Variants in HMCN2 observed in about 807,000 individuals in gnomAD.
HMCN2 encodes the protein hemicentin-2.
HMCN2 carries 325 observed loss-of-function variants against 377.5 expected under a neutral mutation model. That is an observed-to-expected ratio of 0.86 (90% CI 0.79 to 0.94). The LOEUF is 0.94. HMCN2 is among the 40% of genes least tolerant of loss of function. The probability of loss-of-function intolerance (pLI) is 0.00; values close to 1 mark genes in which losing one functional copy is unlikely to be tolerated. For synonymous variants in HMCN2, 2,007 were observed against 2,046.8 expected (o/e 0.98, Z 0.53); for missense variants, 4,543 against 4,725.3 (o/e 0.96, Z 1.13).
chr9:130,334,691 C>T (rs1427789686), intron 22 of HMCN2, among the ~76,000 whole-genome samples: 6 of 144,990 alleles, frequency 4.1e-5, no homozygotes, highest in Middle Eastern at 3.2e-3. Flanking sequence ...CTTTCTTTCT[C>T]TCTTTCTTTC....
chr9:130,396,313 G>C lies in HMCN2; in HGVS notation c.11198G>C (p.Arg3733Thr). Residue 3733 changes from arginine (R) to threonine (T), a missense_variant and splice_region_variant, in exon 73 of 98, where the codon AGG becomes ACG. Around this residue, in one of 5 missense-constraint regions of HMCN2, gnomAD observed 1,073 missense variants for 1,319.5 expected, o/e 0.81. Transcript: ENST00000683500. ...GTCCCCCTGGATCCCAGGAGCCCCA[G>C]GTGGGAGAGGGAAGGGGTGGGCCTC... ...DRVPLDPRSP[R>T]FEILPEGSLR... 2 of 1,267,072 alleles carry C rather than the reference G, an allele frequency of 1.6e-6. No homozygotes were observed. The highest frequency in any genetic ancestry group is 2.1e-6 in the Non-Finnish European group (2 of 970,338). 78.5% of individuals were successfully genotyped at this position (1,267,072 alleles called of 1,614,324 possible).
At position 130,356,069 on chromosome 9, in the gene HMCN2, C is replaced by T. The variant is rs766779267; in HGVS notation, c.5256-19C>T. 2 of 1,251,058 alleles carry T rather than the reference C, an allele frequency of 1.6e-6. No individual in the cohort carries two copies. The highest frequency in any genetic ancestry group is 2.7e-5 in the South Asian group (2 of 74,324). 77.5% of individuals were successfully genotyped at this position (1,251,058 alleles called of 1,614,324 possible). A position where few individuals can be genotyped will look rare whatever the true frequency, so the allele number is the denominator to read the frequency against. ...TCCCTGGTCTCAGGTTGACACGCCC[C>T]CCTCCCTACTCACCTTAGGTGGCTG... On this transcript the variant is annotated intron_variant, in intron 33 of 97. Coordinates refer to ENST00000683500, the MANE Select transcript of HMCN2 (RefSeq NM_001291815.2).
intron 4 of HMCN2, among the ~76,000 whole-genome samples, chr9:130,291,195 TG>T (rs1354780533): frequency 6.6e-6 from 1 of 152,196 alleles, no homozygotes; most frequent in African/African-American, 2.4e-5. Context: ...ACAGCATACT[TG>T]CATACTTGAT....
chr9:130,360,737 C>A lies in HMCN2; in HGVS notation c.5950+133C>A. 2.6e-6 allele frequency: 1 copy of A among 387,420 alleles called. No homozygotes were observed. The highest frequency in any genetic ancestry group is 4.6e-6 in the Non-Finnish European group (1 of 217,100). 24.0% of individuals were successfully genotyped at this position (387,420 alleles called of 1,614,324 possible). A position where few individuals can be genotyped will look rare whatever the true frequency, so the allele number is the denominator to read the frequency against. ...CCCATCCATCCGTTACCCCATCCAT[C>A]CATCATCCATCCAACCATCCATCCA... On this transcript the variant is annotated intron_variant, in intron 38 of 97. Transcript: ENST00000683500. This position sits in a 1 kb window ranked among gnomAD's most constrained non-coding sequence, Gnocchi z 4.7.
At position 130,393,135 on chromosome 9, in the gene HMCN2, T is replaced by G. The variant is rs1454908177; in HGVS notation, c.10137-77T>G. On this transcript the variant is annotated intron_variant, in intron 66 of 97. Transcript: ENST00000683500. The surrounding 1 kb of genome is among the most constrained non-coding windows in gnomAD (Gnocchi z 5.2). ...GTCTTTCCACGCAGCCAGCCTCTCC[T>G]GTCTCTCTCCCTTTCTCTTCCTCTC... is the stretch of plus-strand genomic sequence containing the variant. 1 of 908,142 alleles carries G rather than the reference T, an allele frequency of 1.1e-6. No individual in the cohort carries two copies. Among genetic ancestry groups the G allele is most frequent in the African/African-American group, 1.8e-5 (1 of 55,800 alleles). 56.3% of individuals were successfully genotyped at this position (908,142 alleles called of 1,614,324 possible).
chr9:130,396,380 C>G, intron 73 of HMCN2, 67 bp downstream of exon 73: 2 of 1,198,338 alleles, frequency 1.7e-6, no homozygotes. Context: ...GCAAATCAAA[C>G]TCACTTGGGC....
chr9:130,265,852 G>A lies in HMCN2; in HGVS notation c.-27G>A. ...AGCTCCGACCTGCGCCTCCACCGCAGCACCCGCAGCCAGAGCCGCGCTCGG... is the reference window on the plus strand; with the variant it reads ...AGCTCCGACCTGCGCCTCCACCGCAACACCCGCAGCCAGAGCCGCGCTCGG... On this transcript the variant is annotated 5_prime_UTR_variant, in exon 1 of 98. Transcript: ENST00000683500. 1 of 328,890 alleles carries A rather than the reference G, an allele frequency of 3.0e-6. No homozygotes were observed. Among genetic ancestry groups the A allele is most frequent in the Non-Finnish European group, 5.8e-6 (1 of 170,976 alleles). The allele number at this position is 328,890 out of a possible 1,614,324, so 20.4% of individuals were successfully genotyped here. A position where few individuals can be genotyped will look rare whatever the true frequency, so the allele number is the denominator to read the frequency against.
At position 130,345,564 on chromosome 9, in the gene HMCN2, ATGTT is replaced by A. The variant is rs1175703327; in HGVS notation, c.3830-1598_3830-1595del. ...GTGGTGTGTGTAGTGCTTGGTGTGTATGTTTGTGTGTGGTATGTGTGTATGGTGT... is the reference window on the plus strand; with the variant it reads ...GTGGTGTGTGTAGTGCTTGGTGTGTATGTGTGTGGTATGTGTGTATGGTGT... On this transcript the variant is annotated intron_variant, in intron 25 of 97. Coordinates refer to ENST00000683500, the MANE Select transcript of HMCN2 (RefSeq NM_001291815.2). 7.1e-3 allele frequency among the ~76,000 whole-genome samples: 855 copies of A among 119,720 alleles called. 6 individuals are homozygous for A. Among genetic ancestry groups the A allele is most frequent in the African/African-American group, 0.027 (818 of 30,532 alleles). The allele number at this position is 119,720 out of a possible 152,430, so 78.5% of individuals were successfully genotyped here.
chr9:130,427,315 G>A lies in HMCN2; in HGVS notation c.13882G>A (p.Glu4628Lys). 6.4e-7 allele frequency: 1 copy of A among 1,550,554 alleles called. No homozygotes were observed. The highest frequency in any genetic ancestry group is 8.7e-7 in the Non-Finnish European group (1 of 1,146,996). The change falls in exon 91 of 98, where the codon GAG becomes AAG. Residue 4628 changes from glutamate (E) to lysine (K), a missense_variant and splice_region_variant. Transcript: ENST00000683500. ...AGTCTATCCTCTTTGCTTTGCAGAG[G>A]AGAACGAGGTCGGCTGCCCCGAGGG... is the stretch of plus-strand genomic sequence containing the variant. ...FQLATALQAE[E>K]NEVGCPEGFE...
intron 25 of HMCN2, among the ~76,000 whole-genome samples, chr9:130,346,782 C>T (rs926152377): frequency 1.4e-3 from 213 of 152,096 alleles, no homozygotes; most frequent in Middle Eastern, 0.01. Flanking sequence ...AGCATAGACG[C>T]GTCCTCTGAT....
intron 22 of HMCN2, among the ~76,000 whole-genome samples, chr9:130,332,581 C>T: frequency 6.6e-6 from 1 of 152,344 alleles, no homozygotes; most frequent in East Asian, 1.9e-4. Flanking sequence ...CTTACGCTCT[C>T]CGGGCTCGTG....
chr9:130,368,231 C>T, intron 43 of HMCN2, 45 bp from the exon 44 acceptor site: 1 of 982,930 alleles, frequency 1.0e-6, no homozygotes, highest in Non-Finnish European at 1.2e-6. Flanking sequence ...ACATCACGTC[C>T]TTGCAAATGC....
chr9:130,300,322 T>C (rs1357992011), intron 8 of HMCN2, among the ~76,000 whole-genome samples: 1 of 152,254 alleles, frequency 6.6e-6, no homozygotes, highest in East Asian at 1.9e-4. Context: ...GAGTATCTAC[T>C]ATGTACCAGT....
chr9:130,329,975 C>T (rs886103921), intron 22 of HMCN2, among the ~76,000 whole-genome samples: 2 of 151,354 alleles, frequency 1.3e-5, no homozygotes, highest in South Asian at 2.1e-4. Flanking sequence ...CCCCTCCCCC[C>T]CTTCCCTACA....
chr9:130,329,186 A>C lies in HMCN2; in HGVS notation c.3359+1711A>C, dbSNP rs893361785. Reference sequence around the variant, plus strand: ...TGCTCCAGCCCCACTGCAGCCCCTGACAGCCACTGATCTGCTTTCAGCCTA... The same window carrying C: ...TGCTCCAGCCCCACTGCAGCCCCTGCCAGCCACTGATCTGCTTTCAGCCTA... On this transcript the variant is annotated intron_variant, in intron 22 of 97. Coordinates refer to ENST00000683500, the MANE Select transcript of HMCN2 (RefSeq NM_001291815.2). 8.0e-3 allele frequency among the ~76,000 whole-genome samples: 1,222 copies of C among 152,286 alleles called. 16 individuals carry two copies. Among genetic ancestry groups the C allele is most frequent in the African/African-American group, 0.027 (1,127 of 41,544 alleles).
intron 61 of HMCN2, among the ~76,000 whole-genome samples, chr9:130,387,143 C>T (rs1411378059): frequency 6.6e-6 from 1 of 152,222 alleles, no homozygotes; most frequent in African/African-American, 2.4e-5. Flanking sequence ...GGATGGAGCA[C>T]AGATGCTGTT....
intron 51 of HMCN2, 48 bp downstream of exon 51, chr9:130,376,037 G>T: frequency 1.2e-6 from 1 of 835,656 alleles, no homozygotes; most frequent in Non-Finnish European, 1.4e-6. Flanking sequence ...AAGACCGCCC[G>T]GGAACCTAGG....
intron 66 of HMCN2, among the ~76,000 whole-genome samples, chr9:130,392,803 T>G (rs147050620): frequency 2.1e-4 from 32 of 152,196 alleles, no homozygotes; most frequent in Non-Finnish European, 2.4e-4. Flanking sequence ...AAGACCATCC[T>G]GGCTAACACG....
rs1023089901 is a variant in HMCN2 at position 130,433,597 on chromosome 9, C to T, written c.15144C>T (p.Thr5048=). 2.6e-6 allele frequency: 4 copies of T among 1,512,380 alleles called. No individual in the cohort carries two copies. The African/African-American group carries it at 4.4e-5, about 17-fold the overall frequency. 93.7% of individuals were successfully genotyped at this position (1,512,380 alleles called of 1,614,324 possible). A position where few individuals can be genotyped will look rare whatever the true frequency, so the allele number is the denominator to read the frequency against. The change falls in exon 98 of 98, where the codon ACC becomes ACT. Residue 5048 remains threonine (T), a synonymous_variant. Coordinates refer to ENST00000683500, the MANE Select transcript of HMCN2 (RefSeq NM_001291815.2). ...CGGTCTACACCCGTCGCGCGCTCAC[C>T]CGCGCCGGCCTCTACCGGCTCACCG... is the stretch of plus-strand genomic sequence containing the variant. ...LGAVYTRRAL[T]RAGLYRLTVR...
Sources: gnomAD v4.1 joint callset for allele counts (sites outside exome capture counted in the v4.1 genomes callset) on GRCh38, gnomAD v4.1.1 for gene constraint, gnomAD v4.1.1 regional missense constraint, Gnocchi (gnomAD v3.1) non-coding constraint, MANE v1.5 for transcripts, NCBI Gene and HGNC (gene_info 2026-07-23, HGNC 2026-07-21) for gene names.